The following PAPSS1 variants were observed in gnomAD, a reference collection of about 807,000 sequenced individuals.
PAPSS1 encodes bifunctional 3'-phosphoadenosine 5'-phosphosulfate synthase 1.
Under a neutral mutation model 72.0 loss-of-function variants are expected in PAPSS1, and 50 were observed. The observed-to-expected ratio is 0.69, with a 90% CI of 0.55 to 0.88. PAPSS1 has a LOEUF of 0.88. Among genes scored for constraint, PAPSS1 ranks in the 40% least tolerant of loss-of-function variants. PAPSS1 has a pLI of 0.00. For missense variants in PAPSS1, 657 were observed against 782.2 expected, an observed-to-expected ratio of 0.84 and a Z score of 1.91; for synonymous variants, 261 against 263.6, an observed-to-expected ratio of 0.99 and a Z score of 0.09.
At position 107,664,136 on chromosome 4, in the gene PAPSS1, T is replaced by C. The variant is rs189035441; in HGVS notation, c.670-4064A>G. Among the ~76,000 whole-genome samples the C allele has an allele frequency of 8.5e-4, 130 of 152,244 alleles. 1 individual carries two copies. Among genetic ancestry groups the C allele is most frequent in the Non-Finnish European group, 1.5e-3 (104 of 68,010 alleles). On this transcript the variant is annotated intron_variant, in intron 5 of 11. Transcript: ENST00000265174. ...GAGGATCCCTTAGCAGGATATGCAG[T>C]CTGGGAACAAATGACAAAGGACTCC...
intron 5 of PAPSS1, among the ~76,000 whole-genome samples, chr4:107,681,092 T>C (rs1175432115): frequency 1.3e-5 from 2 of 152,162 alleles, no homozygotes; most frequent in Admixed American, 1.3e-4. Flanking sequence ...GTATGTCTAA[T>C]ATATCCAGTA....
At position 107,672,272 on chromosome 4, in the gene PAPSS1, G is replaced by A. The variant is rs559440997; in HGVS notation, c.669+9743C>T. On this transcript the variant is annotated intron_variant, in intron 5 of 11. Transcript: ENST00000265174. The stretch of plus-strand genomic sequence containing the variant: ...ATGAGATGAAGCAGGGCGAGGCATC[G>A]CCTCACCCAGGAAGCGCAAGGGGTC... Among the ~76,000 whole-genome samples the A allele has an allele frequency of 1.7e-4, 26 of 152,328 alleles. No individual in the cohort carries two copies. In the South Asian group the frequency reaches 4.6e-3, roughly 27 times the overall value.
intron 3 of PAPSS1, among the ~76,000 whole-genome samples, chr4:107,692,679 T>C (rs1209093675): frequency 3.9e-5 from 6 of 152,036 alleles, no homozygotes; most frequent in Non-Finnish European, 7.4e-5. Flanking sequence ...CAAAGATACA[T>C]GCATGAGTAT....
intron 5 of PAPSS1, among the ~76,000 whole-genome samples, chr4:107,668,698 T>C (rs532741570): frequency 6.6e-6 from 1 of 152,242 alleles, no homozygotes; most frequent in South Asian, 2.1e-4. Context: ...GAACTCAGAC[T>C]GGCTCTCCTG....
chr4:107,628,447 C>T (rs1726152671), intron 11 of PAPSS1, among the ~76,000 whole-genome samples: 2 of 152,232 alleles, frequency 1.3e-5, no homozygotes, highest in South Asian at 4.1e-4. Flanking sequence ...AATGAGGACA[C>T]AGGGTCAGGG....
intron 10 of PAPSS1, among the ~76,000 whole-genome samples, chr4:107,632,511 TA>T (rs11455598): frequency 8.8e-5 from 13 of 148,080 alleles, no homozygotes; most frequent in East Asian, 2.0e-4. Flanking sequence ...TAATACTAGT[TA>T]AAAAAAAAAA....
chr4:107,712,330 A>C (rs1438682351), intron 1 of PAPSS1, among the ~76,000 whole-genome samples: 1 of 152,190 alleles, frequency 6.6e-6, no homozygotes, highest in Non-Finnish European at 1.5e-5. Flanking sequence ...AGTTATACAT[A>C]GGTAAATAAA....
intron 10 of PAPSS1, among the ~76,000 whole-genome samples, chr4:107,641,218 T>G (rs1726532879): frequency 6.6e-6 from 1 of 152,216 alleles, no homozygotes. Context: ...CTGCTCACCC[T>G]CATTATCTGA....
rs145977479 is a variant in PAPSS1, at chr4:107,715,114, C to T, written c.60+5006G>A. Among the ~76,000 whole-genome samples, 446 of 152,290 alleles carry T rather than the reference C, an allele frequency of 2.9e-3. 3 individuals carry two copies. The highest frequency in any genetic ancestry group is 0.01 in the African/African-American group (417 of 41,552). On this transcript the variant is annotated intron_variant, in intron 1 of 11. Transcript: ENST00000265174. Reference sequence around the variant, plus strand: ...CCTGAGATGATGAAAATGTTCTATACTGTGCTGTCCAATTCCTGTGGCCAC... The same window carrying T: ...CCTGAGATGATGAAAATGTTCTATATTGTGCTGTCCAATTCCTGTGGCCAC...
intron 1 of PAPSS1, 92 bp from the exon 2 acceptor site, chr4:107,701,377 C>T (rs1723202545): frequency 1.3e-6 from 1 of 787,878 alleles, no homozygotes; most frequent in South Asian, 1.7e-5. Context: ...GTCTATGTAA[C>T]ATGCCAAAAG....
intron 3 of PAPSS1, among the ~76,000 whole-genome samples, chr4:107,688,283 A>G (rs1440053763): frequency 6.6e-6 from 1 of 152,158 alleles, no homozygotes; most frequent in Non-Finnish European, 1.5e-5. Context: ...ACCCATTTAA[A>G]ACAAAACAAC....
chr4:107,648,632 CT>C (rs1405692994), intron 9 of PAPSS1, among the ~76,000 whole-genome samples: 1 of 152,210 alleles, frequency 6.6e-6, no homozygotes, highest in African/African-American at 2.4e-5. Flanking sequence ...TAATTCCTTT[CT>C]TCCCTCCCAC....
In PAPSS1 at chr4:107,705,545, T is replaced by C. The variant is rs530784323; in HGVS notation, c.61-4260A>G. ...AAACCTCTTTTCTTTATAGTTTACC[T>C]GGTCTTAGAGAGTTCTTTATACCAG... On this transcript the variant is annotated intron_variant, in intron 1 of 11. Coordinates refer to ENST00000265174, the MANE Select transcript of PAPSS1 (RefSeq NM_005443.5). Among the ~76,000 whole-genome samples the C allele has an allele frequency of 3.3e-3, 497 of 152,376 alleles. 2 individuals carry two copies. Among genetic ancestry groups the C allele is most frequent in the African/African-American group, 0.011 (468 of 41,590 alleles).
At chr4:107,693,719 C>A in intron 3 of PAPSS1, 52 bp downstream of exon 3, 1 of 1,286,104 alleles carries the variant, frequency 7.8e-7, no homozygotes, top group South Asian at 1.2e-5. Context: ...TTGCCTGATA[C>A]CATATTCTCA....
chr4:107,711,265 A>G (rs963738083), intron 1 of PAPSS1, among the ~76,000 whole-genome samples: 1 of 152,192 alleles, frequency 6.6e-6, no homozygotes, highest in Non-Finnish European at 1.5e-5. Flanking sequence ...ATGACTAACA[A>G]TCCTGTCACT....
chr4:107,671,259 A>G (rs143309867), intron 5 of PAPSS1, among the ~76,000 whole-genome samples: 3 of 151,784 alleles, frequency 2.0e-5, no homozygotes, highest in Non-Finnish European at 4.4e-5. Flanking sequence ...CTCAAAATCA[A>G]GTTTTTTTTT....
chr4:107,681,901 C>T, intron 5 of PAPSS1, 114 bp downstream of exon 5: 1 of 619,746 alleles, frequency 1.6e-6, no homozygotes, highest in Non-Finnish European at 2.9e-6. Context: ...CATTTCGAAG[C>T]ATTTAAAATA....
chr4:107,682,675 C>T (rs139752002), intron 4 of PAPSS1, among the ~76,000 whole-genome samples: 235 of 152,162 alleles, frequency 1.5e-3, no homozygotes, highest in South Asian at 5.4e-3. Flanking sequence ...GGAATTAATA[C>T]CAGGTGATCC....
intron 4 of PAPSS1, among the ~76,000 whole-genome samples, chr4:107,684,436 T>C (rs887990855): frequency 6.6e-6 from 1 of 152,198 alleles, no homozygotes; most frequent in Non-Finnish European, 1.5e-5. Flanking sequence ...AAAGCTGTTC[T>C]TTGTGGGGGA....
Sources: allele counts gnomAD v4.1 joint callset (sites outside exome capture counted in the v4.1 genomes callset), GRCh38; gene constraint gnomAD v4.1.1; transcripts MANE v1.5; gene names NCBI Gene and HGNC (gene_info 2026-07-23, HGNC 2026-07-21).